SHANK1: variants seen among roughly 807,000 people sequenced by gnomAD.
SHANK1 encodes the protein SH3 and multiple ankyrin repeat domains 1.
SHANK1 carries 35 observed loss-of-function variants against 165.6 expected under a neutral mutation model. That is an observed-to-expected ratio of 0.21 (90% CI 0.16 to 0.28). The LOEUF is 0.28. SHANK1 is among the 10% of genes least tolerant of loss of function. The pLI, the probability that SHANK1 is intolerant of heterozygous loss-of-function variation, is 1.00. For missense variants in SHANK1, 2,681 were observed against 3,036.4 expected (o/e 0.88, Z 2.75); for synonymous variants, 1,428 against 1,384.8 (o/e 1.03, Z -0.69).
intron 23 of SHANK1, among the ~76,000 whole-genome samples, chr19:50,665,711 C>T (rs971896376): frequency 1.8e-4 from 24 of 133,548 alleles, no homozygotes; most frequent in East Asian, 6.5e-4. Context: ...GCACTCCAGC[C>T]GGGTGACAGA....
intron 15 of SHANK1, among the ~76,000 whole-genome samples, chr19:50,694,396 T>G (rs1046203094): frequency 2.8e-5 from 4 of 144,754 alleles, no homozygotes; most frequent in African/African-American, 5.2e-5. Flanking sequence ...GCCAACACCG[T>G]GAAGAGGTGT....
chr19:50,689,761 A>G (rs1384505221), intron 15 of SHANK1, among the ~76,000 whole-genome samples: 1 of 152,206 alleles, frequency 6.6e-6, no homozygotes, highest in African/African-American at 2.4e-5. Context: ...TATTTCGCAC[A>G]GTGCCTGGCA....
rs1275158317 is a variant in SHANK1, at chr19:50,718,485, C to G, written c.-44+921G>C. On this transcript the variant is annotated intron_variant, in intron 1 of 23. Coordinates refer to ENST00000293441, the MANE Select transcript of SHANK1 (RefSeq NM_016148.5). The surrounding 1 kb of genome is among the most constrained non-coding windows in gnomAD (Gnocchi z 5.1). ...CGCGCGTACGGCTGCCCCAGCCCCCCCGGGCCGGCTCCGGCCCCTCCCCCT... is the reference window on the plus strand; with the variant it reads ...CGCGCGTACGGCTGCCCCAGCCCCCGCGGGCCGGCTCCGGCCCCTCCCCCT... Among the ~76,000 whole-genome samples, 3 of 152,116 alleles carry G rather than the reference C, an allele frequency of 2.0e-5. No individual in the cohort carries two copies. Among genetic ancestry groups the G allele is most frequent in the South Asian group, 2.1e-4 (1 of 4,834 alleles).
chr19:50,704,656 GC>G, intron 8 of SHANK1, 142 bp from the exon 9 acceptor site: 2 of 726,768 alleles, frequency 2.8e-6, no homozygotes, highest in East Asian at 2.6e-5. Context: ...GCAGCCACCT[GC>G]CAGGTACGGA....
chr19:50,704,400 C>T (rs908095161), intron 9 of SHANK1, 37 bp downstream of exon 9: 1 of 1,590,910 alleles, frequency 6.3e-7, no homozygotes, highest in Non-Finnish European at 8.6e-7. Flanking sequence ...CTTTCCTTAG[C>T]CCTGGAAACT....
rs73932561 is a variant in SHANK1 at position 50,689,360 on chromosome 19, C to T, written c.1965-81G>A. 6,447 of 1,050,674 alleles carry T rather than the reference C, an allele frequency of 6.1e-3. 28 individuals are homozygous for T. The highest frequency in any genetic ancestry group is 7.8e-3 in the Non-Finnish European group (5,205 of 667,638). The allele number at this position is 1,050,674 out of a possible 1,614,324, so 65.1% of individuals were successfully genotyped here. A position where few individuals can be genotyped will look rare whatever the true frequency, so the allele number is the denominator to read the frequency against. ...TGAGACACAGAGGCTGTCCCCCACCCGGCAACCCAGACCCAAACCTCTGCT... is the reference window on the plus strand; with the variant it reads ...TGAGACACAGAGGCTGTCCCCCACCTGGCAACCCAGACCCAAACCTCTGCT... On this transcript the variant is annotated intron_variant, in intron 15 of 23. Transcript: ENST00000293441.
chr19:50,701,035 C>T (rs569195087), intron 12 of SHANK1, among the ~76,000 whole-genome samples: 224 of 152,248 alleles, frequency 1.5e-3, no homozygotes, highest in Non-Finnish European at 2.5e-3. Flanking sequence ...CTAGGAAACA[C>T]ATGCAGTTAC....
chr19:50,679,583 C>T (rs1432780454), intron 21 of SHANK1, among the ~76,000 whole-genome samples: 1 of 152,172 alleles, frequency 6.6e-6, no homozygotes, highest in African/African-American at 2.4e-5. Flanking sequence ...GGCTGCCGGG[C>T]AGACTCCCCT....
chr19:50,676,035 G>A (rs956213067), intron 21 of SHANK1, among the ~76,000 whole-genome samples: 5 of 151,798 alleles, frequency 3.3e-5, no homozygotes, highest in Non-Finnish European at 2.9e-5. Flanking sequence ...CAGGCACAGT[G>A]GCTCCTGTCT....
At position 50,667,390 on chromosome 19, in the gene SHANK1, G is replaced by A. The variant is rs764713167; in HGVS notation, c.4570C>T (p.Arg1524Cys). Residue 1524 changes from arginine to cysteine, a missense_variant, in exon 23 of 24, where the codon CGC (arginine) becomes TGC (cysteine). This residue lies in a region of SHANK1 where 1,713 missense variants were observed against 1,630.2 expected (regional missense o/e 1.05). Transcript: ENST00000293441. This position sits in a 1 kb window ranked among gnomAD's most constrained non-coding sequence, Gnocchi z 5.7. ...DGPGVPPPSP[R>C]RSVPPSPTSP... ...GTCGGGGAGGGGGGCACGGACCGGC[G>A]TGGGCTGGGCGGCGGGACCCCCGGC... is the stretch of plus-strand genomic sequence containing the variant. The A allele has an allele frequency of 3.9e-6, 6 of 1,528,726 alleles. No homozygotes were observed. The highest frequency in any genetic ancestry group is 3.5e-4 in the Middle Eastern group (2 of 5,780). 94.7% of individuals were successfully genotyped at this position (1,528,726 alleles called of 1,614,324 possible). A position where few individuals can be genotyped will look rare whatever the true frequency, so the allele number is the denominator to read the frequency against.
Position 50,716,332 on chromosome 19 carries a change from C to G in SHANK1, c.402G>C (p.Glu134Asp). ...TSGRDANFLEEERLLREYPQS... is the reference protein window; with the variant it reads ...TSGRDANFLEDERLLREYPQS... ...GGGGGTACTCCCGCAGCAGCCTCTC[C>G]TCCTCCAGGAAGTTGGCATCGCGGC... The change falls in exon 3 of 24, where the codon GAG becomes GAC. Residue 134 changes from glutamate to aspartate, a missense_variant. By Grantham distance (45) the Glu-to-Asp change is conservative. Coordinates refer to ENST00000293441, the MANE Select transcript of SHANK1 (RefSeq NM_016148.5). The surrounding 1 kb of genome is among the most constrained non-coding windows in gnomAD (Gnocchi z 8.4). 1 of 1,614,220 alleles carries G rather than the reference C, an allele frequency of 6.2e-7. No individual in the cohort carries two copies. Among genetic ancestry groups the G allele is most frequent in the Non-Finnish European group, 8.5e-7 (1 of 1,180,032 alleles).
chr19:50,708,028 A>G (rs749806226), intron 8 of SHANK1, among the ~76,000 whole-genome samples: 2 of 150,888 alleles, frequency 1.3e-5, no homozygotes, highest in African/African-American at 2.4e-5. Flanking sequence ...GCTCACTACA[A>G]CCTCTGCTTC....
rs190082769 is a variant in SHANK1 at position 50,711,551 on chromosome 19, G to C, written c.961-64C>G. The C allele has an allele frequency of 4.8e-5, 57 of 1,191,858 alleles. No individual in the cohort carries two copies. In the East Asian group the frequency reaches 1.4e-3, roughly 29 times the overall value. 73.8% of individuals were successfully genotyped at this position (1,191,858 alleles called of 1,614,324 possible). On this transcript the variant is annotated intron_variant, in intron 7 of 23. Coordinates refer to ENST00000293441, the MANE Select transcript of SHANK1 (RefSeq NM_016148.5). ...AGGCTGTTCTCCCTCTGGGCCAAGA[G>C]TCTGTCTATGACCTGTGCACTGGCC... is the stretch of plus-strand genomic sequence containing the variant.
Position 50,667,611 on chromosome 19 carries a change from G to A in SHANK1, c.4349C>T (p.Pro1450Leu). ...GAGGGGCCCCACCCCGGGAGCGGTG[G>A]GCGGCAGGCGGTGTAGCAGGGAACG... is the stretch of plus-strand genomic sequence containing the variant. ...ARRSLLHRLP[P>L]TAPGVGPLLL... Residue 1450 changes from proline to leucine, a missense_variant, in exon 23 of 24, where the codon CCC (proline) becomes CTC (leucine). By Grantham distance (98) the Pro-to-Leu change is moderately conservative. Around this residue, in one of 10 missense-constraint regions of SHANK1, gnomAD observed 1,713 missense variants for 1,630.2 expected, o/e 1.05. Coordinates refer to ENST00000293441, the MANE Select transcript of SHANK1 (RefSeq NM_016148.5). The surrounding 1 kb of genome is among the most constrained non-coding windows in gnomAD (Gnocchi z 5.7). The A allele has an allele frequency of 1.4e-6, 2 of 1,438,720 alleles. No homozygotes were observed. The highest frequency in any genetic ancestry group is 1.8e-6 in the Non-Finnish European group (2 of 1,107,846). The allele number at this position is 1,438,720 out of a possible 1,614,324, so 89.1% of individuals were successfully genotyped here. A position where few individuals can be genotyped will look rare whatever the true frequency, so the allele number is the denominator to read the frequency against.
chr19:50,712,220 G>T, intron 6 of SHANK1, 106 bp from the exon 7 acceptor site: 1 of 1,193,392 alleles, frequency 8.4e-7, no homozygotes, highest in Non-Finnish European at 1.2e-6. Context: ...GTGACCTACA[G>T]TGGCCAATGA....
chr19:50,700,031 ATT>A (rs1986863612), intron 12 of SHANK1, among the ~76,000 whole-genome samples: 1 of 68,972 alleles, frequency 1.4e-5, no homozygotes. Flanking sequence ...GCATTGGAGG[ATT>A]GGAGGGCTCG....
At position 50,659,942 on chromosome 19, in the gene SHANK1, CCCCTCCCACGA is replaced by C. The variant is rs998079963; in HGVS notation, c.*2012_*2022del. 2.5e-3 allele frequency among the ~76,000 whole-genome samples: 374 copies of C among 151,166 alleles called. 1 individual carries two copies. The highest frequency in any genetic ancestry group is 8.3e-3 in the African/African-American group (340 of 41,196). ...TCTGCCCCTCTCTCACCACCCCTCC[CCCCTCCCACGA>C]CCCTCCCACGAGGTTCCCCGCAGAT... On this transcript the variant is annotated 3_prime_UTR_variant, in exon 24 of 24. Transcript: ENST00000293441.
At chr19:50,689,564 G>A (rs1986478400) in intron 15 of SHANK1, among the ~76,000 whole-genome samples, 1 of 152,080 alleles carries the variant, frequency 6.6e-6, no homozygotes, top group Admixed American at 6.5e-5. Context: ...TGGGGAGGAT[G>A]GGGAGAAGAG....
Position 50,662,830 on chromosome 19 carries a change from G to T in SHANK1, c.5769-148C>A. On this transcript the variant is annotated intron_variant, in intron 23 of 23. Transcript: ENST00000293441. This position sits in a 1 kb window ranked among gnomAD's most constrained non-coding sequence, Gnocchi z 7.7. The stretch of plus-strand genomic sequence containing the variant: ...GACGGAGGAGAGACGGGAAGAAATG[G>T]AGGGAGCAAGGGGTAAGACGGCCGG... 1.2e-6 allele frequency: 1 copy of T among 833,096 alleles called. No homozygotes were observed. 51.6% of individuals were successfully genotyped at this position (833,096 alleles called of 1,614,324 possible).
Sources: allele counts gnomAD v4.1 joint callset (sites outside exome capture counted in the v4.1 genomes callset), GRCh38; gene constraint gnomAD v4.1.1; regional missense constraint gnomAD v4.1.1; non-coding constraint Gnocchi (gnomAD v3.1); transcripts MANE v1.5; gene names NCBI Gene and HGNC (gene_info 2026-07-23, HGNC 2026-07-21).